The following SLC35F3 variants were observed in gnomAD, a reference collection of about 807,000 sequenced individuals.
The protein encoded by SLC35F3 is putative thiamine transporter SLC35F3.
In SLC35F3, 25 loss-of-function variants were observed where a neutral mutation model predicts 49.9. That is an observed-to-expected ratio of 0.50 (90% CI 0.37 to 0.70). The LOEUF (loss-of-function observed/expected upper bound fraction) is 0.70. Ranked by LOEUF, SLC35F3 falls within the 30% of genes least tolerant of loss-of-function variation. The pLI is 0.00. For missense variants in SLC35F3, 525 were observed against 639.8 expected (o/e 0.82, Z 1.94); for synonymous variants, 275 against 265.4 (o/e 1.04, Z -0.35).
At chr1:234,078,400 A>G (rs1478758015) in intron 2 of SLC35F3, among the ~76,000 whole-genome samples, 2 of 152,000 alleles carry the variant, frequency 1.3e-5, no homozygotes, top group Non-Finnish European at 2.9e-5. Context: ...ATGTTATTCC[A>G]CCAAATCTCA....
chr1:233,913,243 T>C (rs1196737369), intron 2 of SLC35F3, among the ~76,000 whole-genome samples: 5 of 152,166 alleles, frequency 3.3e-5, no homozygotes, highest in Non-Finnish European at 7.4e-5. Flanking sequence ...TTCCGCTTGA[T>C]TAGAACATCA....
At chr1:234,289,972 A>G (rs1460725680) in intron 3 of SLC35F3, among the ~76,000 whole-genome samples, 2 of 152,248 alleles carry the variant, frequency 1.3e-5, no homozygotes, top group Non-Finnish European at 2.9e-5. Context: ...AAAGTTTTCA[A>G]AGAAAGAAGA....
chr1:234,248,825 G>A (rs1558273324), intron 3 of SLC35F3, among the ~76,000 whole-genome samples: 1 of 152,202 alleles, frequency 6.6e-6, no homozygotes, highest in Non-Finnish European at 1.5e-5. Flanking sequence ...TGACCAAGGT[G>A]TCTTCCCACA....
chr1:234,225,631 C>G (rs1165191795), intron 2 of SLC35F3, among the ~76,000 whole-genome samples: 1 of 152,166 alleles, frequency 6.6e-6, no homozygotes, highest in African/African-American at 2.4e-5. Flanking sequence ...TGCCTTGTAC[C>G]GCAAAGTAGG....
At chr1:234,191,181 T>G (rs762224550) in intron 2 of SLC35F3, among the ~76,000 whole-genome samples, 2 of 152,176 alleles carry the variant, frequency 1.3e-5, no homozygotes, top group East Asian at 1.9e-4. Context: ...TTCTCTAAGA[T>G]AGACCATATG....
chr1:234,092,598 C>T (rs1558227131), intron 2 of SLC35F3, among the ~76,000 whole-genome samples: 1 of 152,212 alleles, frequency 6.6e-6, no homozygotes, highest in South Asian at 2.1e-4. Flanking sequence ...GCTAGCATGG[C>T]AGTTCACACC....
chr1:233,906,277 CG>C (rs1661774983), intron 2 of SLC35F3, among the ~76,000 whole-genome samples: 1 of 152,098 alleles, frequency 6.6e-6, no homozygotes, highest in South Asian at 2.1e-4. Flanking sequence ...TGGATTTTAT[CG>C]GTCTTCAGTA....
At chr1:234,032,530 C>T (rs564836868) in intron 2 of SLC35F3, among the ~76,000 whole-genome samples, 1 of 152,224 alleles carries the variant, frequency 6.6e-6, no homozygotes, top group African/African-American at 2.4e-5. Flanking sequence ...CCCCCCGATC[C>T]CCAAAGTCCC....
At chr1:234,194,671 G>A (rs1666780662) in intron 2 of SLC35F3, among the ~76,000 whole-genome samples, 1 of 151,996 alleles carries the variant, frequency 6.6e-6, no homozygotes, top group Non-Finnish European at 1.5e-5. Flanking sequence ...ATGTCCCCAA[G>A]ACCCCTTAAA....
At chr1:234,103,598 T>G (rs1287713718) in intron 2 of SLC35F3, among the ~76,000 whole-genome samples, 30 of 152,184 alleles carry the variant, frequency 2.0e-4, no homozygotes, top group Admixed American at 1.8e-3. Flanking sequence ...GTATAGTAGC[T>G]CTTATAATGA....
intron 3 of SLC35F3, among the ~76,000 whole-genome samples, chr1:234,263,898 C>A (rs1308888059): frequency 1.3e-5 from 2 of 152,168 alleles, no homozygotes; most frequent in Non-Finnish European, 2.9e-5. Flanking sequence ...GACCTGAGGT[C>A]AGGAGTTCGA....
At chr1:234,197,060 T>C (rs1376439632) in intron 2 of SLC35F3, among the ~76,000 whole-genome samples, 1 of 152,218 alleles carries the variant, frequency 6.6e-6, no homozygotes, top group African/African-American at 2.4e-5. Flanking sequence ...ATCTGATTAA[T>C]GCAGAGGTGA....
At chr1:234,222,727 T>C (rs968995710) in intron 2 of SLC35F3, among the ~76,000 whole-genome samples, 1 of 152,224 alleles carries the variant, frequency 6.6e-6, no homozygotes, top group African/African-American at 2.4e-5. Context: ...CTGTGGTTCA[T>C]CCTTTGCATT....
Position 234,002,559 on chromosome 1 carries a change from T to A in SLC35F3, c.283+96801T>A, listed in dbSNP as rs1165077268. 2.0e-5 allele frequency among the ~76,000 whole-genome samples: 3 copies of A among 152,304 alleles called. No homozygotes were observed. In the East Asian group the frequency reaches 5.8e-4, roughly 29 times the overall value. On this transcript the variant is annotated intron_variant, in intron 2 of 7. Transcript: ENST00000366618. ...GGGAGAAAGACCTCAAAGGCCACGT[T>A]TATGATGTTGTGTCCAGGTTACATG...
rs538438914 is a variant in SLC35F3, at chr1:234,170,356, A to T, written c.284-61061A>T. On this transcript the variant is annotated intron_variant, in intron 2 of 7. Transcript: ENST00000366618. The stretch of plus-strand genomic sequence containing the variant: ...CTTGATCTAGCTGTTGCAGAAACAA[A>T]GTTATTTCTGTCTCACTGTGCTGTC... Among the ~76,000 whole-genome samples the T allele has an allele frequency of 3.3e-5, 5 of 152,198 alleles. No individual in the cohort carries two copies. In the East Asian group the frequency reaches 9.7e-4, roughly 30 times the overall value.
chr1:234,242,460 C>T (rs913370153), intron 3 of SLC35F3, among the ~76,000 whole-genome samples: 3 of 152,186 alleles, frequency 2.0e-5, no homozygotes, highest in African/African-American at 4.8e-5. Context: ...AACTTGTTCT[C>T]GGAAAGCTCT....
intron 2 of SLC35F3, among the ~76,000 whole-genome samples, chr1:234,152,039 A>C (rs1012598279): frequency 5.3e-5 from 8 of 151,808 alleles, no homozygotes; most frequent in African/African-American, 1.9e-4. Flanking sequence ...ATCTGAGAAT[A>C]ATAACCCCCA....
intron 2 of SLC35F3, among the ~76,000 whole-genome samples, chr1:233,927,492 C>T (rs767181774): frequency 1.3e-5 from 2 of 152,048 alleles, no homozygotes; most frequent in African/African-American, 2.4e-5. Flanking sequence ...TGTATGGGCA[C>T]GTGTACTACT....
At chr1:234,066,828 TCCCACACACACA>T (rs1172588685) in intron 2 of SLC35F3, among the ~76,000 whole-genome samples, 2 of 99,048 alleles carry the variant, frequency 2.0e-5, no homozygotes, top group Middle Eastern at 4.0e-3. Flanking sequence ...TCCCTCTCTC[TCCCACACACACA>T]CACACACACA....
Sources: allele counts gnomAD v4.1 joint callset (sites outside exome capture counted in the v4.1 genomes callset), GRCh38; gene constraint gnomAD v4.1.1; transcripts MANE v1.5; gene names NCBI Gene and HGNC (gene_info 2026-07-23, HGNC 2026-07-21).